CDH13: variants seen among roughly 807,000 people sequenced by gnomAD.
CDH13 encodes the protein cadherin-13.
In CDH13, 24 loss-of-function variants were observed where a neutral mutation model predicts 63.8. The observed-to-expected ratio is 0.38, with a 90% CI of 0.27 to 0.53. The LOEUF is 0.53. Ranked by LOEUF, CDH13 falls within the 20% of genes least tolerant of loss-of-function variation. The pLI, the probability that CDH13 is intolerant of heterozygous loss-of-function variation, is 0.85. For missense variants in CDH13, 1,049 were observed against 903.1 expected, an observed-to-expected ratio of 1.16 and a Z score of -2.07; for synonymous variants, 503 against 355.3, an observed-to-expected ratio of 1.42 and a Z score of -4.67.
At chr16:83,177,853 T>C (rs149311519) in intron 4 of CDH13, among the ~76,000 whole-genome samples, 1 of 152,318 alleles carries the variant, frequency 6.6e-6, no homozygotes, top group Admixed American at 6.5e-5. Flanking sequence ...GCAGTAGTAT[T>C]ACCTAATACC....
chr16:82,672,049 A>G (rs1913312773), intron 1 of CDH13, among the ~76,000 whole-genome samples: 1 of 152,070 alleles, frequency 6.6e-6, no homozygotes, highest in Non-Finnish European at 1.5e-5. Flanking sequence ...CTTCTCTTCT[A>G]CACTCTCTCT....
rs867630123 is a variant in CDH13 at position 82,878,159 on chromosome 16, A to G, written c.157+19686A>G. Reference sequence around the variant, plus strand: ...AAACGTCAAACCCCTCTCCCTCTCCAGTAGCATTCCCCAGTCTGTGTCACT... The same window carrying G: ...AAACGTCAAACCCCTCTCCCTCTCCGGTAGCATTCCCCAGTCTGTGTCACT... On this transcript the variant is annotated intron_variant, in intron 2 of 13. Transcript: ENST00000567109. 2.0e-5 allele frequency among the ~76,000 whole-genome samples: 3 copies of G among 152,032 alleles called. No homozygotes were observed. In the South Asian group the frequency reaches 6.2e-4, roughly 32 times the overall value.
chr16:83,440,771 T>G (rs1357360400), intron 6 of CDH13, among the ~76,000 whole-genome samples: 1 of 130,654 alleles, frequency 7.7e-6, no homozygotes, highest in Non-Finnish European at 1.6e-5. Flanking sequence ...GGCAGCAGAT[T>G]GAGACTTCAT....
intron 1 of CDH13, among the ~76,000 whole-genome samples, chr16:82,673,361 C>A (rs1018635979): frequency 6.6e-6 from 1 of 152,128 alleles, no homozygotes; most frequent in East Asian, 1.9e-4. Flanking sequence ...ACACTAATGC[C>A]ATTACTAGTT....
chr16:83,522,936 C>G (rs1266029668), intron 7 of CDH13, among the ~76,000 whole-genome samples: 2 of 152,236 alleles, frequency 1.3e-5, no homozygotes, highest in African/African-American at 4.8e-5. Context: ...AAGTCCCTTT[C>G]AGACTCATGA....
chr16:83,242,899 T>C (rs2151816508), intron 5 of CDH13, among the ~76,000 whole-genome samples: 1 of 152,318 alleles, frequency 6.6e-6, no homozygotes, highest in East Asian at 1.9e-4. Context: ...GGGAGTATCA[T>C]CAAGTACAGC....
intron 7 of CDH13, among the ~76,000 whole-genome samples, chr16:83,577,916 G>C (rs1305528693): frequency 1.3e-5 from 2 of 152,100 alleles, no homozygotes; most frequent in Non-Finnish European, 2.9e-5. Flanking sequence ...TAATTCTCCT[G>C]CTCTATTTAT....
chr16:83,362,340 C>T (rs1374650993), intron 6 of CDH13, among the ~76,000 whole-genome samples: 1 of 152,196 alleles, frequency 6.6e-6, no homozygotes, highest in Admixed American at 6.5e-5. Context: ...TAATGAAAGA[C>T]AGCTTTTGAA....
At chr16:83,307,275 G>T (rs2089902834) in intron 5 of CDH13, among the ~76,000 whole-genome samples, 1 of 152,134 alleles carries the variant, frequency 6.6e-6, no homozygotes, top group African/African-American at 2.4e-5. Context: ...ACACATCTGA[G>T]ATTCAGCATG....
intron 6 of CDH13, among the ~76,000 whole-genome samples, chr16:83,389,718 C>A (rs1388519929): frequency 6.6e-6 from 1 of 152,186 alleles, no homozygotes; most frequent in Non-Finnish European, 1.5e-5. Context: ...CAAGACTCCC[C>A]TCAAACTCCA....
At chr16:83,175,064 C>A (rs140538323) in intron 4 of CDH13, among the ~76,000 whole-genome samples, 1 of 152,162 alleles carries the variant, frequency 6.6e-6, no homozygotes, top group East Asian at 1.9e-4. Flanking sequence ...CATTTCAAAT[C>A]ATCAGCTACG....
intron 3 of CDH13, among the ~76,000 whole-genome samples, chr16:83,076,763 T>C (rs1372508660): frequency 6.6e-6 from 1 of 152,170 alleles, no homozygotes; most frequent in Non-Finnish European, 1.5e-5. Flanking sequence ...TAATTAGAAT[T>C]CAATATTTGC....
chr16:82,812,030 A>C (rs909640808), intron 1 of CDH13, among the ~76,000 whole-genome samples: 1 of 152,142 alleles, frequency 6.6e-6, no homozygotes, highest in African/African-American at 2.4e-5. Context: ...GGACCAGGTT[A>C]CGAAGGGATG....
At chr16:83,241,263 A>G (rs140199687) in intron 5 of CDH13, among the ~76,000 whole-genome samples, 65 of 152,086 alleles carry the variant, frequency 4.3e-4, no homozygotes, top group Non-Finnish European at 7.7e-4. Context: ...GGTTGCTTCC[A>G]CCTCTTGACT....
At chr16:82,966,037 A>G (rs1172634194) in intron 2 of CDH13, among the ~76,000 whole-genome samples, 2 of 152,218 alleles carry the variant, frequency 1.3e-5, no homozygotes, top group African/African-American at 4.8e-5. Context: ...CCTCAGAGGT[A>G]CCTTGGCAGG....
intron 5 of CDH13, among the ~76,000 whole-genome samples, chr16:83,225,392 T>G (rs1265751392): frequency 6.6e-6 from 1 of 152,216 alleles, no homozygotes; most frequent in Non-Finnish European, 1.5e-5. Context: ...TCTTTTTGTT[T>G]CATTAGTGGC....
At chr16:83,680,658 G>A (rs1915330148) in intron 10 of CDH13, among the ~76,000 whole-genome samples, 1 of 152,248 alleles carries the variant, frequency 6.6e-6, no homozygotes. Context: ...ATGACTTGAG[G>A]TGGCACCTGT....
chr16:83,690,105 G>A (rs913542019), intron 10 of CDH13, among the ~76,000 whole-genome samples: 51 of 152,226 alleles, frequency 3.4e-4, no homozygotes, highest in South Asian at 1.2e-3. Context: ...CCCGGGAGGC[G>A]GAGATGGTGG....
chr16:83,438,985 GT>G (rs2072404710), intron 6 of CDH13, among the ~76,000 whole-genome samples: 1 of 152,118 alleles, frequency 6.6e-6, no homozygotes, highest in Admixed American at 6.6e-5. Context: ...ACCTGGCATA[GT>G]TTTTAAAGGA....
Sources: gnomAD v4.1 joint callset for allele counts (sites outside exome capture counted in the v4.1 genomes callset) on GRCh38, gnomAD v4.1.1 for gene constraint, MANE v1.5 for transcripts, NCBI Gene and HGNC (gene_info 2026-07-23, HGNC 2026-07-21) for gene names.